Variants in SPTAN1 observed in about 807,000 individuals in gnomAD.
SPTAN1 encodes spectrin alpha chain, non-erythrocytic 1.
Under a neutral mutation model 331.3 loss-of-function variants are expected in SPTAN1, and 61 were observed. That is an observed-to-expected ratio of 0.18 (90% CI 0.15 to 0.23). The LOEUF is 0.23. Among genes scored for constraint, SPTAN1 ranks in the 10% least tolerant of loss-of-function variants. The probability of loss-of-function intolerance (pLI) is 1.00; values close to 1 mark genes in which losing one functional copy is unlikely to be tolerated. For synonymous variants in SPTAN1, 1,153 were observed against 1,173.9 expected (o/e 0.98, Z 0.36); for missense variants, 2,043 against 3,147.9 (o/e 0.65, Z 8.40).
At chr9:128,588,246 T>G (rs953681769) in intron 20 of SPTAN1, among the ~76,000 whole-genome samples, 1 of 151,690 alleles carries the variant, frequency 6.6e-6, no homozygotes, top group African/African-American at 2.4e-5. Flanking sequence ...TCTGCCCGCC[T>G]TGGCCTCCCA....
intron 31 of SPTAN1, among the ~76,000 whole-genome samples, 168 bp downstream of exon 31, chr9:128,605,645 A>T (rs1855734717): frequency 6.6e-6 from 1 of 152,194 alleles, no homozygotes; most frequent in South Asian, 2.1e-4. Context: ...GGAGCCGGAG[A>T]CCAGCCTGGG....
At chr9:128,576,174 G>C (rs192037681) in intron 5 of SPTAN1, among the ~76,000 whole-genome samples, 3 of 152,236 alleles carry the variant, frequency 2.0e-5, no homozygotes, top group African/African-American at 2.4e-5. Context: ...ACCCTGAAAT[G>C]CTTCATTTTA....
Position 128,584,380 on chromosome 9 carries a change from T to G in SPTAN1, c.2292T>G (p.Ala764=). ...NIKKKQEALV[A]RYEALKEPMV... is the part of the protein sequence containing the mutation. ...AGAAGAAACAGGAAGCCCTCGTGGC[T>G]CGCTATGAGGCACTCAAGGAGCCCA... Residue 764 remains alanine (A), a synonymous_variant, in exon 17 of 57, where the codon GCT becomes GCG. Coordinates refer to ENST00000372739, the MANE Select transcript of SPTAN1 (RefSeq NM_001130438.3). 6.2e-7 allele frequency: 1 copy of G among 1,614,170 alleles called. No homozygotes were observed. Among genetic ancestry groups the G allele is most frequent in the Non-Finnish European group, 8.5e-7 (1 of 1,180,034 alleles).
chr9:128,588,984 C>T (rs1233191743), intron 21 of SPTAN1, 41 bp downstream of exon 21: 2 of 1,610,592 alleles, frequency 1.2e-6, no homozygotes, highest in Non-Finnish European at 1.7e-6. Flanking sequence ...TCCACGCTGG[C>T]ACCTCCACGT....
intron 44 of SPTAN1, 146 bp downstream of exon 44, chr9:128,619,149 G>A: frequency 8.3e-7 from 1 of 1,206,480 alleles, no homozygotes; most frequent in African/African-American, 1.5e-5. Context: ...GTTGGTTTTA[G>A]CCCTCAAGAT....
intron 2 of SPTAN1, among the ~76,000 whole-genome samples, chr9:128,567,771 T>G (rs1461030571): frequency 6.6e-6 from 1 of 152,094 alleles, no homozygotes; most frequent in Non-Finnish European, 1.5e-5. Context: ...AAAACTTTTT[T>G]TTTTTTGAGA....
intron 39 of SPTAN1, among the ~76,000 whole-genome samples, chr9:128,612,936 A>T (rs1229419765): frequency 1.2e-4 from 18 of 149,854 alleles, no homozygotes; most frequent in Non-Finnish European, 2.2e-4. Flanking sequence ...AAAAAAAAAA[A>T]TTTTTTTTTT....
Position 128,611,755 on chromosome 9 carries a change from T to C in SPTAN1, c.4815T>C (p.His1605=), listed in dbSNP as rs2131676265. ...ACCAGGCTTTTGAAGCAGAGCTGCA[T>C]GCCAACGCTGACCGGATCCGTGGGG... ...QKHQAFEAEL[H]ANADRIRGVI... Residue 1605 remains histidine, a synonymous_variant, in exon 38 of 57, where the codon CAT becomes CAC. Transcript: ENST00000372739. The C allele has an allele frequency of 6.2e-7, 1 of 1,614,170 alleles. No individual in the cohort carries two copies. Among genetic ancestry groups the C allele is most frequent in the East Asian group, 2.2e-5 (1 of 44,876 alleles).
intron 21 of SPTAN1, among the ~76,000 whole-genome samples, chr9:128,589,290 CTTT>C (rs1171749676): frequency 1.6e-5 from 2 of 126,996 alleles, no homozygotes; most frequent in Non-Finnish European, 3.3e-5. Flanking sequence ...TTTTTCTTTT[CTTT>C]TTTTTTTTTT....
At chr9:128,594,771 A>G (rs2131368464) in intron 24 of SPTAN1, among the ~76,000 whole-genome samples, 1 of 149,324 alleles carries the variant, frequency 6.7e-6, no homozygotes, top group South Asian at 2.1e-4. Flanking sequence ...CTGGAATGCA[A>G]ATTACATAGA....
chr9:128,606,489 T>A (rs1446616211), intron 31 of SPTAN1, among the ~76,000 whole-genome samples: 16 of 132,770 alleles, frequency 1.2e-4, no homozygotes, highest in African/African-American at 4.0e-4. Context: ...ATATATATAT[T>A]TTTTTTTTGG....
chr9:128,614,164 C>G (rs1300864163), intron 40 of SPTAN1, among the ~76,000 whole-genome samples: 2 of 151,248 alleles, frequency 1.3e-5, no homozygotes, highest in Non-Finnish European at 3.0e-5. Context: ...TTTCTTAAAG[C>G]TTAGCTGTGG....
rs954387497 is a variant in SPTAN1 at position 128,631,029 on chromosome 9, G to A, written c.6762+654G>A. Among the ~76,000 whole-genome samples the A allele has an allele frequency of 3.3e-5, 5 of 151,676 alleles. No homozygotes were observed. In the South Asian group the frequency reaches 1.0e-3, roughly 32 times the overall value. ...TGGCCTAGTTTTTATATTTTTAGTA[G>A]AGACAGTGTTTTGCCTTGTTGGCCA... On this transcript the variant is annotated intron_variant, in intron 52 of 56. Coordinates refer to ENST00000372739, the MANE Select transcript of SPTAN1 (RefSeq NM_001130438.3).
intron 44 of SPTAN1, 123 bp downstream of exon 44, chr9:128,619,126 C>CAAGG: frequency 1.4e-6 from 2 of 1,430,560 alleles, no homozygotes; most frequent in Non-Finnish European, 1.9e-6. Flanking sequence ...GGCCAGCAGC[C>CAAGG]AAGGCCTCAG....
At chr9:128,571,413 C>T (rs1223904274) in intron 3 of SPTAN1, among the ~76,000 whole-genome samples, 1 of 151,970 alleles carries the variant, frequency 6.6e-6, no homozygotes, top group East Asian at 1.9e-4. Context: ...GGTAAAACCC[C>T]GTTTCTACCA....
At chr9:128,597,144 A>C (rs993116204) in intron 24 of SPTAN1, among the ~76,000 whole-genome samples, 1 of 152,056 alleles carries the variant, frequency 6.6e-6, no homozygotes, top group Non-Finnish European at 1.5e-5. Flanking sequence ...TGGGCAATAG[A>C]GTGAGACTGA....
At chr9:128,593,236 C>G in intron 23 of SPTAN1, 194 bp downstream of exon 23, 2 of 668,264 alleles carry the variant, frequency 3.0e-6, no homozygotes, top group Non-Finnish European at 2.7e-6. Flanking sequence ...GACTGCTTAT[C>G]TCATTGGTTG....
chr9:128,629,312 C>G lies in SPTAN1; in HGVS notation c.6708-1009C>G, dbSNP rs1859291308. The G allele has an allele frequency of 7.6e-6, 3 of 393,608 alleles. No homozygotes were observed. The highest frequency in any genetic ancestry group is 1.3e-5 in the Non-Finnish European group (3 of 223,460). The allele number at this position is 393,608 out of a possible 1,614,324, so 24.4% of individuals were successfully genotyped here. A position where few individuals can be genotyped will look rare whatever the true frequency, so the allele number is the denominator to read the frequency against. On this transcript the variant is annotated intron_variant, in intron 51 of 56. Transcript: ENST00000372739. This position sits in a 1 kb window ranked among gnomAD's most constrained non-coding sequence, Gnocchi z 4.9. ...TGCTTGGGAAGGAGGGGTCTGTCCT[C>G]CCACTGCACCGGCACCCAGCCTCCT... is the stretch of plus-strand genomic sequence containing the variant.
Position 128,577,522 on chromosome 9 carries a change from C to G in SPTAN1, c.1085+16C>G, listed in dbSNP as rs1420590654. ...ATTCATACAGGTGCAAATAATGCTC[C>G]AGGTCTTAACCAGTATCATTTGGCT... On this transcript the variant is annotated intron_variant, in intron 8 of 56. Transcript: ENST00000372739. This position sits in a 1 kb window ranked among gnomAD's most constrained non-coding sequence, Gnocchi z 4.2. The G allele has an allele frequency of 6.2e-7, 1 of 1,613,010 alleles. No individual in the cohort carries two copies. Among genetic ancestry groups the G allele is most frequent in the Non-Finnish European group, 8.5e-7 (1 of 1,180,028 alleles).
Sources: allele counts gnomAD v4.1 joint callset (sites outside exome capture counted in the v4.1 genomes callset), GRCh38; gene constraint gnomAD v4.1.1; non-coding constraint Gnocchi (gnomAD v3.1); transcripts MANE v1.5; gene names NCBI Gene and HGNC (gene_info 2026-07-23, HGNC 2026-07-21).